The following GALNT2 variants were observed in gnomAD, a reference collection of about 807,000 sequenced individuals.
GALNT2 encodes the protein polypeptide N-acetylgalactosaminyltransferase 2.
GALNT2 carries 31 observed loss-of-function variants against 81.4 expected under a neutral mutation model. The ratio of observed to expected loss-of-function variants is 0.38; its 90% CI spans 0.29 to 0.51. The LOEUF (loss-of-function observed/expected upper bound fraction) is 0.51, where lower values mean the gene tolerates loss of function less well. Among genes scored for constraint, GALNT2 ranks in the 20% least tolerant of loss-of-function variants. The pLI is 0.87. For synonymous variants in GALNT2, 303 were observed against 287.4 expected (o/e 1.05, Z -0.55); for missense variants, 629 against 765.7 (o/e 0.82, Z 2.11).
At chr1:230,102,493 A>G (rs986634677) in intron 1 of GALNT2, among the ~76,000 whole-genome samples, 3 of 152,054 alleles carry the variant, frequency 2.0e-5, no homozygotes, top group African/African-American at 7.3e-5. Flanking sequence ...TTCCAGGTTT[A>G]TTTTCTGGAA....
chr1:230,173,241 T>G (rs573372589), intron 1 of GALNT2, among the ~76,000 whole-genome samples: 1 of 152,174 alleles, frequency 6.6e-6, no homozygotes, highest in African/African-American at 2.4e-5. Context: ...TTCCAGAGGC[T>G]GCGTGTGGAT....
At chr1:230,176,896 G>A (rs977279812) in intron 1 of GALNT2, among the ~76,000 whole-genome samples, 2 of 152,178 alleles carry the variant, frequency 1.3e-5, no homozygotes, top group Admixed American at 1.3e-4. Flanking sequence ...TGCTGGGTGG[G>A]TGGGGCTTGG....
upstream of GALNT2, among the ~76,000 whole-genome samples, chr1:230,064,732 G>C (rs893198393): frequency 6.6e-6 from 1 of 152,120 alleles, no homozygotes; most frequent in Non-Finnish European, 1.5e-5. Flanking sequence ...GGCTGGTCTT[G>C]AACTCCTGAC....
At chr1:230,062,715 A>G (rs995604514), upstream of GALNT2, among the ~76,000 whole-genome samples, 1 of 152,178 alleles carries the variant, frequency 6.6e-6, no homozygotes, top group Non-Finnish European at 1.5e-5. Context: ...GCTGAATAAT[A>G]TTCCATTGCA....
intron 14 of GALNT2, among the ~76,000 whole-genome samples, 197 bp from the exon 15 acceptor site, chr1:230,274,248 G>A (rs1293147142): frequency 6.6e-6 from 1 of 152,256 alleles, no homozygotes; most frequent in Non-Finnish European, 1.5e-5. Context: ...GCTCAGTTGT[G>A]AGGTTCTCCC....
intron 1 of GALNT2, among the ~76,000 whole-genome samples, chr1:230,082,189 G>A (rs982086063): frequency 1.3e-4 from 20 of 152,210 alleles, no homozygotes. Context: ...TGGGCAATGT[G>A]GAGTTGCCTT....
intron 1 of GALNT2, among the ~76,000 whole-genome samples, chr1:230,078,997 A>G (rs1019332017): frequency 4.0e-5 from 6 of 151,840 alleles, no homozygotes; most frequent in African/African-American, 1.5e-4. Flanking sequence ...TCTTGACTAC[A>G]CCCTTCTCAT....
At chr1:230,135,479 A>C (rs1661507504) in intron 1 of GALNT2, among the ~76,000 whole-genome samples, 1 of 152,136 alleles carries the variant, frequency 6.6e-6, no homozygotes, top group Admixed American at 6.5e-5. Context: ...CTTTCGGTGA[A>C]TTGTCAGGCA....
At chr1:230,063,407 A>G (rs1354237795), upstream of GALNT2, among the ~76,000 whole-genome samples, 1 of 152,046 alleles carries the variant, frequency 6.6e-6, no homozygotes, top group Non-Finnish European at 1.5e-5. Flanking sequence ...TATTTCCATA[A>G]TCAACACTGG....
rs548027257 is a variant in GALNT2 at position 230,256,157 on chromosome 1, G to A, written c.1136+813G>A. 5.3e-5 allele frequency among the ~76,000 whole-genome samples: 8 copies of A among 152,060 alleles called. No homozygotes were observed. The East Asian group carries it at 9.7e-4, about 18-fold the overall frequency. On this transcript the variant is annotated intron_variant, in intron 11 of 15. Transcript: ENST00000366672. ...GGTCACCTCTTAAAGGCCTCACCTCGGCTGGGCATGGTGGCTCATGTCTGT... is the reference window on the plus strand; with the variant it reads ...GGTCACCTCTTAAAGGCCTCACCTCAGCTGGGCATGGTGGCTCATGTCTGT...
At chr1:230,258,266 G>A (rs761305920) in intron 11 of GALNT2, among the ~76,000 whole-genome samples, 2 of 149,076 alleles carry the variant, frequency 1.3e-5, no homozygotes, top group East Asian at 2.0e-4. Context: ...TTTCGATCTC[G>A]TTGCCCACAC....
At chr1:230,143,269 GA>G (rs900273237) in intron 1 of GALNT2, among the ~76,000 whole-genome samples, 24 of 152,336 alleles carry the variant, frequency 1.6e-4, no homozygotes, top group Middle Eastern at 6.8e-3. Flanking sequence ...TTCTGCGTGT[GA>G]AAAATCAGGG....
chr1:230,111,062 GTACA>G (rs972296122), intron 1 of GALNT2, among the ~76,000 whole-genome samples: 2 of 152,194 alleles, frequency 1.3e-5, no homozygotes, highest in Non-Finnish European at 1.5e-5. Flanking sequence ...TTGTGTGTGT[GTACA>G]TACATATGTA....
chr1:230,079,692 C>T (rs781025893), intron 1 of GALNT2, among the ~76,000 whole-genome samples: 11 of 152,238 alleles, frequency 7.2e-5, no homozygotes, highest in Middle Eastern at 3.4e-3. Context: ...TGTGGATGAT[C>T]GAGAAGCAGA....
intron 1 of GALNT2, among the ~76,000 whole-genome samples, chr1:230,167,409 A>T (rs111686850): frequency 2.6e-4 from 40 of 152,158 alleles, no homozygotes; most frequent in African/African-American, 9.4e-4. Flanking sequence ...GGCCTCCCAA[A>T]GTGCTAGGAT....
chr1:230,081,494 A>G (rs201277280), intron 1 of GALNT2, among the ~76,000 whole-genome samples: 1 of 410 alleles, frequency 2.4e-3, no homozygotes, highest in Non-Finnish European at 3.8e-3. Context: ...ATAGCGTGTT[A>G]ATTTGAAAAC....
intron 1 of GALNT2, among the ~76,000 whole-genome samples, chr1:230,175,803 A>G (rs1329897213): frequency 2.0e-5 from 3 of 151,566 alleles, no homozygotes; most frequent in Admixed American, 6.6e-5. Context: ...GACCTCCTAG[A>G]AATGTATTCT....
chr1:230,109,301 T>C (rs1193624405), intron 1 of GALNT2, among the ~76,000 whole-genome samples: 1 of 152,034 alleles, frequency 6.6e-6, no homozygotes, highest in Non-Finnish European at 1.5e-5. Context: ...GCAGTGGTGG[T>C]TGGGGGCCCT....
chr1:230,099,634 G>A (rs183729917), intron 1 of GALNT2, among the ~76,000 whole-genome samples: 11 of 152,346 alleles, frequency 7.2e-5, no homozygotes, highest in Admixed American at 5.2e-4. Flanking sequence ...GCAATGGTGC[G>A]TTCCCTCAGA....
Sources: gnomAD v4.1 joint callset for allele counts (sites outside exome capture counted in the v4.1 genomes callset) on GRCh38, gnomAD v4.1.1 for gene constraint, MANE v1.5 for transcripts, NCBI Gene and HGNC (gene_info 2026-07-23, HGNC 2026-07-21) for gene names.